Variants in FAM13A observed in about 807,000 individuals in gnomAD.
FAM13A encodes family with sequence similarity 13 member A, also known as protein FAM13A.
A neutral mutation model predicts 129.6 loss-of-function variants in FAM13A; 76 were observed. That is an observed-to-expected ratio of 0.59 (90% CI 0.49 to 0.71). FAM13A has a LOEUF of 0.71. Among genes scored for constraint, FAM13A ranks in the 30% least tolerant of loss-of-function variants. The pLI, the probability that FAM13A is intolerant of heterozygous loss-of-function variation, is 0.00. For synonymous variants in FAM13A, 443 were observed against 449.9 expected (o/e 0.98, Z 0.20); for missense variants, 1,108 against 1,249.3 (o/e 0.89, Z 1.70).
chr4:89,054,212 G>A (rs1392690094), intron 1 of FAM13A, among the ~76,000 whole-genome samples: 5 of 151,894 alleles, frequency 3.3e-5, no homozygotes, highest in African/African-American at 1.2e-4. Context: ...GTTAGTCAAT[G>A]GACATAGAAA....
intron 8 of FAM13A, among the ~76,000 whole-genome samples, chr4:88,791,326 GAAGTGGTCAACACA>G (rs1467203970): frequency 6.6e-6 from 1 of 152,030 alleles, no homozygotes; most frequent in Non-Finnish European, 1.5e-5. Flanking sequence ...AAAGTATTGA[GAAGTGGTCAACACA>G]AAGTAGAATG....
Position 88,732,057 on chromosome 4 carries a change from T to C in FAM13A, c.2788A>G (p.Ile930Val). 1 of 1,614,048 alleles carries C rather than the reference T, an allele frequency of 6.2e-7. No individual in the cohort carries two copies. Among genetic ancestry groups the C allele is most frequent in the Non-Finnish European group, 8.5e-7 (1 of 1,179,910 alleles). ...DGFISPMDDKIPSKCSQDTGL... is the reference protein window; with the variant it reads ...DGFISPMDDKVPSKCSQDTGL... ...GTGTCCTGGCTGCATTTTGATGGTA[T>C]TTTATCATCCATTGGGGAAATAAAT... The change falls in exon 22 of 24, where the codon ATA (isoleucine) becomes GTA (valine). Residue 930 changes from isoleucine (I) to valine (V), a missense_variant. By Grantham distance (29) the Ile-to-Val change is conservative. Coordinates refer to ENST00000264344, the MANE Select transcript of FAM13A (RefSeq NM_014883.4).
At position 88,731,366 on chromosome 4, in the gene FAM13A, A is replaced by C. The variant is rs775155074; in HGVS notation, c.2906T>G (p.Leu969Arg). 6.2e-7 allele frequency: 1 copy of C among 1,608,958 alleles called. No homozygotes were observed. Among genetic ancestry groups the C allele is most frequent in the South Asian group, 1.1e-5 (1 of 91,062 alleles). The change falls in exon 23 of 24, where the codon CTT becomes CGT. Residue 969 changes from leucine to arginine, a missense_variant. This residue lies in a region of FAM13A where 529 missense variants were observed against 621.2 expected (regional missense o/e 0.85). Coordinates refer to ENST00000264344, the MANE Select transcript of FAM13A (RefSeq NM_014883.4). ...GAAAAAGTTGTCTTCAAAATCCCGA[A>C]GTTTCTTTCGAATCCTTTTCTTTTC... ...REEKKRIRKK[L>R]RDFEDNFFRQ...
At chr4:88,990,762 C>T (rs1235140587) in intron 4 of FAM13A, 6 of 419,906 alleles carry the variant, frequency 1.4e-5, no homozygotes, top group African/African-American at 1.0e-4. Context: ...TGATTTATTG[C>T]AAATTATAGT....
intron 4 of FAM13A, among the ~76,000 whole-genome samples, chr4:88,968,884 G>A (rs1013691992): frequency 1.3e-5 from 2 of 151,844 alleles, no homozygotes; most frequent in Admixed American, 1.3e-4. Flanking sequence ...GGGATTTTGG[G>A]GTCACATAAA....
At chr4:88,964,755 G>A (rs558119073) in intron 4 of FAM13A, among the ~76,000 whole-genome samples, 1 of 151,604 alleles carries the variant, frequency 6.6e-6, no homozygotes, top group South Asian at 2.1e-4. Context: ...AGCCTCTGGA[G>A]TAGCTAAGAT....
At chr4:88,928,715 GGGAGCATATAGTT>G in intron 5 of FAM13A, among the ~76,000 whole-genome samples, 1 of 114,560 alleles carries the variant, frequency 8.7e-6, no homozygotes, top group East Asian at 2.4e-4. Flanking sequence ...GGTTTCTTGT[GGGAGCATATAGTT>G]GGATCATGCT....
At chr4:88,941,285 T>C (rs1208303095) in intron 4 of FAM13A, among the ~76,000 whole-genome samples, 2 of 152,226 alleles carry the variant, frequency 1.3e-5, no homozygotes, top group East Asian at 3.8e-4. Context: ...TAGCGAAGTT[T>C]CCTGTTTTAA....
intron 2 of FAM13A, among the ~76,000 whole-genome samples, chr4:89,028,116 G>C (rs1768209695): frequency 6.7e-6 from 1 of 148,840 alleles, no homozygotes; most frequent in Admixed American, 6.8e-5. Context: ...TGAGGCAGGA[G>C]AATTGCTTGA....
At chr4:88,753,873 G>C (rs1047064598) in intron 14 of FAM13A, among the ~76,000 whole-genome samples, 1 of 152,200 alleles carries the variant, frequency 6.6e-6, no homozygotes, top group South Asian at 2.1e-4. Flanking sequence ...TTCACTGCCT[G>C]CCTAGAGAGC....
intron 7 of FAM13A, among the ~76,000 whole-genome samples, chr4:88,843,609 C>A (rs1244472885): frequency 6.6e-6 from 1 of 152,134 alleles, no homozygotes; most frequent in African/African-American, 2.4e-5. Context: ...AGATTAGATA[C>A]CTTGAAGGGC....
At chr4:88,923,763 G>T (rs962825365) in intron 5 of FAM13A, among the ~76,000 whole-genome samples, 1 of 152,126 alleles carries the variant, frequency 6.6e-6, no homozygotes, top group Non-Finnish European at 1.5e-5. Flanking sequence ...AAGTCAAAGT[G>T]TCCCTGTTTG....
intron 7 of FAM13A, among the ~76,000 whole-genome samples, chr4:88,813,964 G>A (rs1024475555): frequency 3.3e-5 from 5 of 152,124 alleles, no homozygotes; most frequent in South Asian, 2.1e-4. Flanking sequence ...CAACTTTCAC[G>A]GAATTTACAG....
intron 21 of FAM13A, among the ~76,000 whole-genome samples, chr4:88,733,548 C>T (rs1272954820): frequency 6.6e-6 from 1 of 152,198 alleles, no homozygotes; most frequent in Non-Finnish European, 1.5e-5. Context: ...TCAGGTACCT[C>T]ATAAGGCACA....
chr4:88,852,466 C>T lies in FAM13A; in HGVS notation c.844-1283G>A, dbSNP rs142234524. 2.9e-4 allele frequency among the ~76,000 whole-genome samples: 44 copies of T among 152,232 alleles called. No homozygotes were observed. The East Asian group carries it at 8.5e-3, about 29-fold the overall frequency. Reference sequence around the variant, plus strand: ...CTTGAGCCACGGCGCCTGGACTTAACTTCAGGTCTTAATGACCTTTCCCAA... The same window carrying T: ...CTTGAGCCACGGCGCCTGGACTTAATTTCAGGTCTTAATGACCTTTCCCAA... On this transcript the variant is annotated intron_variant, in intron 6 of 23. Coordinates refer to ENST00000264344, the MANE Select transcript of FAM13A (RefSeq NM_014883.4).
chr4:88,919,845 T>G (rs1039458817), intron 5 of FAM13A, among the ~76,000 whole-genome samples: 3 of 152,342 alleles, frequency 2.0e-5, no homozygotes, highest in African/African-American at 7.2e-5. Flanking sequence ...ACTCCCACCC[T>G]AATACTGCGC....
chr4:88,922,654 G>C (rs1751328417), intron 5 of FAM13A, among the ~76,000 whole-genome samples: 1 of 152,016 alleles, frequency 6.6e-6, no homozygotes, highest in South Asian at 2.1e-4. Context: ...AGAAAAGCAA[G>C]AGCAAACACA....
At chr4:88,812,081 C>G (rs943724835) in intron 7 of FAM13A, among the ~76,000 whole-genome samples, 3 of 152,124 alleles carry the variant, frequency 2.0e-5, no homozygotes, top group Non-Finnish European at 4.4e-5. Flanking sequence ...CACAGGATGA[C>G]AGAGCTAGAA....
At chr4:88,965,907 G>A (rs1275775452) in intron 4 of FAM13A, among the ~76,000 whole-genome samples, 1 of 152,136 alleles carries the variant, frequency 6.6e-6, no homozygotes, top group Non-Finnish European at 1.5e-5. Flanking sequence ...TTTTGAGGCT[G>A]AATAATACTC....
Sources: gnomAD v4.1 joint callset for allele counts (sites outside exome capture counted in the v4.1 genomes callset) on GRCh38, gnomAD v4.1.1 for gene constraint, gnomAD v4.1.1 regional missense constraint, MANE v1.5 for transcripts, NCBI Gene and HGNC (gene_info 2026-07-23, HGNC 2026-07-21) for gene names.